Variants in NELFB observed in about 807,000 individuals in gnomAD.
NELFB encodes the protein negative elongation factor complex member B.
Under a neutral mutation model 60.2 loss-of-function variants are expected in NELFB, and 34 were observed. The observed-to-expected ratio is 0.56, with a 90% CI of 0.43 to 0.75. The LOEUF is 0.75. Ranked by LOEUF, NELFB falls within the 30% of genes least tolerant of loss-of-function variation. The pLI is 0.00. For missense variants in NELFB, 770 were observed against 831.6 expected (o/e 0.93, Z 0.91); for synonymous variants, 459 against 382.1 (o/e 1.20, Z -2.35).
intron 4 of NELFB, among the ~76,000 whole-genome samples, chr9:137,262,786 C>T (rs944810274): frequency 6.6e-6 from 1 of 152,058 alleles, no homozygotes; most frequent in South Asian, 2.1e-4. Flanking sequence ...GCCACAGTTG[C>T]AGCAGTGCAC....
intron 10 of NELFB, 96 bp from the exon 11 acceptor site, chr9:137,271,985 A>C: frequency 6.8e-7 from 1 of 1,480,312 alleles, no homozygotes; most frequent in South Asian, 1.2e-5. Flanking sequence ...TCATGTGAGC[A>C]CCCCCAGAAG....
intron 4 of NELFB, among the ~76,000 whole-genome samples, chr9:137,259,895 T>G (rs887104175): frequency 2.6e-4 from 38 of 148,752 alleles, no homozygotes; most frequent in Non-Finnish European, 6.0e-5. Flanking sequence ...CGGCTAATTT[T>G]TTGTATTTTT....
intron 4 of NELFB, among the ~76,000 whole-genome samples, chr9:137,260,718 G>A (rs1830428665): frequency 6.6e-6 from 1 of 151,648 alleles, no homozygotes; most frequent in Non-Finnish European, 1.5e-5. Context: ...CTCCCAATTT[G>A]CTGCAATTAC....
rs1279208073 is a variant in NELFB, at chr9:137,256,078, A to C, written c.410+8A>C. 1 of 1,611,608 alleles carries C rather than the reference A, an allele frequency of 6.2e-7. No homozygotes were observed. On this transcript the variant is annotated splice_region_variant and intron_variant, in intron 2 of 12. Transcript: ENST00000343053. ...GGGGAAGGCTGAGGAAAGGTGGGTC[A>C]GCGGGAGGGGTGGGCAGGTGAGATG...
chr9:137,259,911 T>C (rs1470399148), intron 4 of NELFB, among the ~76,000 whole-genome samples: 7 of 149,190 alleles, frequency 4.7e-5, no homozygotes, highest in African/African-American at 9.8e-5. Context: ...TTTTTTTTTT[T>C]AGTAGAGACG....
intron 6 of NELFB, among the ~76,000 whole-genome samples, chr9:137,265,387 C>CTTT (rs66744887): frequency 2.2e-5 from 2 of 91,832 alleles, no homozygotes; most frequent in African/African-American, 4.2e-5. Context: ...AAACCTTAAG[C>CTTT]TTTTTTTTTT....
chr9:137,262,360 G>A lies in NELFB; in HGVS notation c.742-677G>A, dbSNP rs891141832. 3.3e-5 allele frequency among the ~76,000 whole-genome samples: 5 copies of A among 152,282 alleles called. No individual in the cohort carries two copies. In the South Asian group the frequency reaches 1.0e-3, roughly 32 times the overall value. On this transcript the variant is annotated intron_variant, in intron 4 of 12. Coordinates refer to ENST00000343053, the MANE Select transcript of NELFB (RefSeq NM_015456.5). ...GGCAACGGGCGTCTTCCCAGATGCT[G>A]GCGTCACCGCTAGACCAAGGAGCCC...
intron 4 of NELFB, among the ~76,000 whole-genome samples, chr9:137,260,721 G>T (rs549028777): frequency 1.1e-4 from 17 of 151,786 alleles, no homozygotes; most frequent in Admixed American, 2.0e-4. Flanking sequence ...CCAATTTGCT[G>T]CAATTACAGG....
At chr9:137,256,798 CACAG>C (rs1564441390) in intron 3 of NELFB, 22 bp from the exon 4 acceptor site, 1 of 1,607,578 alleles carries the variant, frequency 6.2e-7, no homozygotes, top group East Asian at 2.2e-5. Flanking sequence ...AGGTGCCACT[CACAG>C]GCAGCCTGTG....
chr9:137,258,986 T>A (rs1837602370), intron 4 of NELFB, among the ~76,000 whole-genome samples: 1 of 152,114 alleles, frequency 6.6e-6, no homozygotes, highest in Non-Finnish European at 1.5e-5. Context: ...GGAGGATCGC[T>A]TGAGCTTAGT....
intron 4 of NELFB, among the ~76,000 whole-genome samples, chr9:137,260,754 G>A (rs1010651360): frequency 6.7e-6 from 1 of 149,460 alleles, no homozygotes; most frequent in African/African-American, 2.5e-5. Context: ...TGCCCAGCCC[G>A]ATTCTCTTTT....
intron 6 of NELFB, among the ~76,000 whole-genome samples, chr9:137,265,463 A>G: frequency 8.0e-6 from 1 of 124,808 alleles, no homozygotes; most frequent in Non-Finnish European, 1.6e-5. Context: ...ATCCTGGCTC[A>G]CTGCAAGCTC....
intron 5 of NELFB, 70 bp from the exon 6 acceptor site, chr9:137,264,175 T>A: frequency 8.5e-7 from 1 of 1,177,314 alleles, no homozygotes; most frequent in Non-Finnish European, 1.2e-6. Context: ...CCTGGAGCTG[T>A]GTTTGGGGCC....
chr9:137,271,604 C>T (rs1052493917), intron 10 of NELFB, among the ~76,000 whole-genome samples: 7 of 152,266 alleles, frequency 4.6e-5, no homozygotes, highest in African/African-American at 1.7e-4. Flanking sequence ...GGAAGAGTTT[C>T]GTTCTCTTTC....
chr9:137,255,642 A>G (rs1271793500), intron 1 of NELFB, 31 bp downstream of exon 1: 9 of 1,529,044 alleles, frequency 5.9e-6, no homozygotes, highest in Non-Finnish European at 8.8e-7. Flanking sequence ...GGGGGAGCCC[A>G]GTTGGAGGGC....
At position 137,265,387 on chromosome 9, in the gene NELFB, C is replaced by CTTTTTTTTTTTTTTTTT. The variant is rs66744887; in HGVS notation, c.1041-487_1041-471dup. Among the ~76,000 whole-genome samples the CTTTTTTTTTTTTTTTTT allele has an allele frequency of 3.3e-5, 3 of 91,834 alleles. 1 individual carries two copies. Among genetic ancestry groups the CTTTTTTTTTTTTTTTTT allele is most frequent in the African/African-American group, 8.4e-5 (2 of 23,946 alleles). The allele number at this position is 91,834 out of a possible 152,430, so 60.2% of individuals were successfully genotyped here. A position where few individuals can be genotyped will look rare whatever the true frequency, so the allele number is the denominator to read the frequency against. ...TTAAGGACAAATTGCAAACCTTAAG[C>CTTTTTTTTTTTTTTTTT]TTTTTTTTTTTTTTTTTTTGAGACA... On this transcript the variant is annotated intron_variant, in intron 6 of 12. Transcript: ENST00000343053.
At chr9:137,257,959 G>A (rs1481810553) in intron 4 of NELFB, among the ~76,000 whole-genome samples, 2 of 151,538 alleles carry the variant, frequency 1.3e-5, no homozygotes, top group East Asian at 1.9e-4. Context: ...CCACACTGGG[G>A]CTACTTAAAA....
chr9:137,257,100 C>A, intron 4 of NELFB, 46 bp downstream of exon 4: 2 of 1,525,736 alleles, frequency 1.3e-6, no homozygotes, highest in Non-Finnish European at 1.8e-6. Context: ...CTTGGGGATG[C>A]CACGGCTAGC....
rs749372559 is a variant in NELFB, at chr9:137,272,625, CG to C, written c.1740+17del. On this transcript the variant is annotated intron_variant, in intron 12 of 12. Coordinates refer to ENST00000343053, the MANE Select transcript of NELFB (RefSeq NM_015456.5). ...GGAGCCTACAGGCCAGGTGGGTGCC[CG>C]GGGGGGCTGCATCTGAAGGCACCTG... 18 of 1,577,104 alleles carry C rather than the reference CG, an allele frequency of 1.1e-5. No individual in the cohort carries two copies. In the Admixed American group the frequency reaches 1.3e-4, roughly 11 times the overall value.
Sources: allele counts gnomAD v4.1 joint callset (sites outside exome capture counted in the v4.1 genomes callset), GRCh38; gene constraint gnomAD v4.1.1; transcripts MANE v1.5; gene names NCBI Gene and HGNC (gene_info 2026-07-23, HGNC 2026-07-21).